Variants in CLMP observed in about 807,000 individuals in gnomAD.
The protein encoded by CLMP is CXADR-like membrane protein.
A neutral mutation model predicts 45.2 loss-of-function variants in CLMP; 27 were observed. The observed-to-expected ratio is 0.60, with a 90% CI of 0.44 to 0.82. The LOEUF is 0.82. Ranked by LOEUF, CLMP falls within the 40% of genes least tolerant of loss-of-function variation. The probability of loss-of-function intolerance (pLI) is 0.00; values close to 1 mark genes in which losing one functional copy is unlikely to be tolerated. For synonymous variants in CLMP, 167 were observed against 171.4 expected, an observed-to-expected ratio of 0.97 and a Z score of 0.20; for missense variants, 403 against 448.4, an observed-to-expected ratio of 0.90 and a Z score of 0.91.
At chr11:123,075,898 C>G (rs1179905619) in intron 5 of CLMP, among the ~76,000 whole-genome samples, 1 of 152,114 alleles carries the variant, frequency 6.6e-6, no homozygotes, top group Non-Finnish European at 1.5e-5. Flanking sequence ...TTTGGCTGGG[C>G]ACAGTGCCTC....
intron 1 of CLMP, among the ~76,000 whole-genome samples, chr11:123,113,005 C>T (rs1054738193): frequency 5.3e-5 from 8 of 152,140 alleles, no homozygotes; most frequent in African/African-American, 1.9e-4. Context: ...GATCTCCTGA[C>T]CTTGTGATCT....
At chr11:123,171,920 G>A (rs527856913) in intron 1 of CLMP, among the ~76,000 whole-genome samples, 1 of 152,168 alleles carries the variant, frequency 6.6e-6, no homozygotes, top group South Asian at 2.1e-4. Context: ...CATCTGTGTT[G>A]GCTCTTAACA....
At chr11:123,121,543 C>T (rs1463635167) in intron 1 of CLMP, among the ~76,000 whole-genome samples, 1 of 152,124 alleles carries the variant, frequency 6.6e-6, no homozygotes, top group Non-Finnish European at 1.5e-5. Context: ...AGTGATCTGC[C>T]TGCCTTGGCC....
intron 1 of CLMP, among the ~76,000 whole-genome samples, chr11:123,193,775 G>C (rs780418972): frequency 3.3e-4 from 50 of 152,164 alleles, no homozygotes; most frequent in Non-Finnish European, 6.9e-4. Context: ...AAGGGACTTA[G>C]GAACCATCTA....
intron 2 of CLMP, among the ~76,000 whole-genome samples, chr11:123,092,494 C>T (rs1183912775): frequency 6.6e-6 from 1 of 152,042 alleles, no homozygotes; most frequent in Non-Finnish European, 1.5e-5. Context: ...GACTGGGTGT[C>T]ACCATATTGG....
chr11:123,173,195 C>G (rs953166253), intron 1 of CLMP, among the ~76,000 whole-genome samples: 6 of 152,192 alleles, frequency 3.9e-5, no homozygotes, highest in Admixed American at 2.0e-4. Context: ...AGGTAAGATC[C>G]CCTGTTGGGA....
chr11:123,137,847 G>T (rs516192), intron 1 of CLMP, among the ~76,000 whole-genome samples: 1 of 152,206 alleles, frequency 6.6e-6, no homozygotes, highest in African/African-American at 2.4e-5. Context: ...CAGCGACCCA[G>T]ACACCAGGGG....
At chr11:123,169,027 G>C (rs1254881037) in intron 1 of CLMP, among the ~76,000 whole-genome samples, 2 of 152,192 alleles carry the variant, frequency 1.3e-5, no homozygotes. Flanking sequence ...GGGAGGGACA[G>C]AACAAAGCTC....
chr11:123,109,922 C>T (rs911576202), intron 1 of CLMP, among the ~76,000 whole-genome samples: 17 of 151,946 alleles, frequency 1.1e-4, no homozygotes, highest in Non-Finnish European at 2.5e-4. Flanking sequence ...GAGTCATGAC[C>T]GGCAAATGAT....
rs1565388066 is a variant in CLMP at position 123,119,048 on chromosome 11, TCTCC to T, written c.29-21100_29-21097del. Among the ~76,000 whole-genome samples the T allele has an allele frequency of 1.9e-3, 76 of 39,186 alleles. 6 individuals carry two copies. The highest frequency in any genetic ancestry group is 2.5e-3 in the Non-Finnish European group (52 of 20,818). 25.7% of individuals were successfully genotyped at this position (39,186 alleles called of 152,430 possible). A position where few individuals can be genotyped will look rare whatever the true frequency, so the allele number is the denominator to read the frequency against. ...CTCTCTCTCTCTCTCTCTCTCTCCC[TCTCC>T]CTCTCTCTCTCTCTCTCTCTCTCTC... On this transcript the variant is annotated intron_variant, in intron 1 of 6. Transcript: ENST00000448775.
chr11:123,100,156 A>G (rs1866038597), intron 1 of CLMP, among the ~76,000 whole-genome samples: 1 of 152,150 alleles, frequency 6.6e-6, no homozygotes, highest in Non-Finnish European at 1.5e-5. Context: ...AGATCAACTG[A>G]GGTCAGGAGT....
intron 1 of CLMP, among the ~76,000 whole-genome samples, chr11:123,123,600 G>A (rs1222589989): frequency 6.6e-6 from 1 of 152,106 alleles, no homozygotes; most frequent in African/African-American, 2.4e-5. Flanking sequence ...GTCCCATGAG[G>A]AAGTGCGGCG....
chr11:123,188,963 C>T (rs945257416), intron 1 of CLMP: 1 of 152,216 alleles, frequency 6.6e-6, no homozygotes, highest in Non-Finnish European at 1.5e-5. Flanking sequence ...CCATAAACCT[C>T]ATCATCCACA....
chr11:123,143,109 G>T (rs886763889), intron 1 of CLMP, among the ~76,000 whole-genome samples: 1 of 152,186 alleles, frequency 6.6e-6, no homozygotes, highest in Non-Finnish European at 1.5e-5. Flanking sequence ...CATGTGTGGG[G>T]ACACTGTGGA....
intron 1 of CLMP, among the ~76,000 whole-genome samples, chr11:123,105,559 T>C (rs1860531887): frequency 6.6e-6 from 1 of 151,612 alleles, no homozygotes; most frequent in Non-Finnish European, 1.5e-5. Flanking sequence ...GCCACGTGAA[T>C]AGCTGGGATT....
At chr11:123,150,414 GGTAAGAAA>G (rs1861297417) in intron 1 of CLMP, among the ~76,000 whole-genome samples, 2 of 55,174 alleles carry the variant, frequency 3.6e-5, no homozygotes, top group African/African-American at 1.4e-4. Flanking sequence ...AAGGAAGGAA[GGTAAGAAA>G]GAAAGAAAGA....
At chr11:123,119,014 T>C (rs1403706056) in intron 1 of CLMP, among the ~76,000 whole-genome samples, 2 of 39,096 alleles carry the variant, frequency 5.1e-5, no homozygotes, top group Admixed American at 3.0e-4. Flanking sequence ...TCTCTCTCTC[T>C]CTCTCTCTCT....
chr11:123,171,231 G>A (rs2135540914), intron 1 of CLMP, among the ~76,000 whole-genome samples: 1 of 152,166 alleles, frequency 6.6e-6, no homozygotes, highest in Non-Finnish European at 1.5e-5. Context: ...TGGCCTGTGT[G>A]GGGAACAGCA....
intron 2 of CLMP, among the ~76,000 whole-genome samples, chr11:123,097,482 C>G (rs960492467): frequency 1.3e-4 from 20 of 152,122 alleles, no homozygotes; most frequent in African/African-American, 4.8e-4. Context: ...GGTTTACAGG[C>G]ATAGGCCACC....
Sources: gnomAD v4.1 joint callset for allele counts (sites outside exome capture counted in the v4.1 genomes callset) on GRCh38, gnomAD v4.1.1 for gene constraint, MANE v1.5 for transcripts, NCBI Gene and HGNC (gene_info 2026-07-23, HGNC 2026-07-21) for gene names.